Variants in INPP4B observed in about 807,000 individuals in gnomAD.
INPP4B encodes the protein inositol polyphosphate 4-phosphatase type II.
A neutral mutation model predicts 122.5 loss-of-function variants in INPP4B; 55 were observed. The observed-to-expected ratio is 0.45, with a 90% CI of 0.36 to 0.56. The LOEUF is 0.56. Among genes scored for constraint, INPP4B ranks in the 20% least tolerant of loss-of-function variants. The pLI is 0.00. For missense variants in INPP4B, 1,000 were observed against 1,097.7 expected, an observed-to-expected ratio of 0.91 and a Z score of 1.26; for synonymous variants, 403 against 388.7, an observed-to-expected ratio of 1.04 and a Z score of -0.43.
chr4:142,733,030 A>T (rs758276613), intron 1 of INPP4B, among the ~76,000 whole-genome samples: 5 of 152,166 alleles, frequency 3.3e-5, no homozygotes, highest in Non-Finnish European at 7.4e-5. Flanking sequence ...AACAAATTAC[A>T]CAAGTAAATT....
intron 2 of INPP4B, among the ~76,000 whole-genome samples, chr4:142,464,945 T>A (rs930393238): frequency 6.6e-6 from 1 of 152,232 alleles, no homozygotes; most frequent in African/African-American, 2.4e-5. Context: ...CAGAACAGAC[T>A]GCACATCTCT....
intron 7 of INPP4B, among the ~76,000 whole-genome samples, chr4:142,357,028 G>C (rs1017976976): frequency 6.6e-6 from 1 of 152,016 alleles, no homozygotes; most frequent in East Asian, 1.9e-4. Flanking sequence ...ACATACAAAA[G>C]CTCTTGCACA....
At chr4:142,636,014 C>T (rs1749076609) in intron 2 of INPP4B, among the ~76,000 whole-genome samples, 1 of 152,116 alleles carries the variant, frequency 6.6e-6, no homozygotes, top group South Asian at 2.1e-4. Flanking sequence ...ATGTCAAGGG[C>T]AGGATCCTGT....
chr4:142,514,145 A>C (rs1825111223), intron 2 of INPP4B: 1 of 152,210 alleles, frequency 6.6e-6, no homozygotes, highest in South Asian at 2.1e-4. Context: ...GGAAAAGTGG[A>C]ATAATGCTAC....
chr4:142,839,155 G>C (rs78954149), intron 1 of INPP4B, among the ~76,000 whole-genome samples: 1 of 152,096 alleles, frequency 6.6e-6, no homozygotes, highest in Non-Finnish European at 1.5e-5. Flanking sequence ...AATGTCTGCC[G>C]CTTATAAAAG....
In INPP4B at chr4:142,402,925, T is replaced by C; in HGVS notation, c.372+13A>G. 6.5e-6 allele frequency: 8 copies of C among 1,231,786 alleles called. No individual in the cohort carries two copies. Among genetic ancestry groups the C allele is most frequent in the Non-Finnish European group, 9.6e-6 (8 of 830,640 alleles). 76.3% of individuals were successfully genotyped at this position (1,231,786 alleles called of 1,614,324 possible). A position where few individuals can be genotyped will look rare whatever the true frequency, so the allele number is the denominator to read the frequency against. ...ACTTTTTCCCAAAGAAAGAAAGAAG[T>C]ACCAGTACTTACGGTGTCATGAGAC... On this transcript the variant is annotated intron_variant, in intron 7 of 25. Coordinates refer to ENST00000262992, the MANE Select transcript of INPP4B (RefSeq NM_001101669.3).
chr4:142,273,838 A>G (rs1482273520), intron 9 of INPP4B, among the ~76,000 whole-genome samples: 2 of 151,854 alleles, frequency 1.3e-5, no homozygotes, highest in Admixed American at 6.6e-5. Context: ...AAAAAACAGA[A>G]TGGTAAATCC....
intron 14 of INPP4B, among the ~76,000 whole-genome samples, chr4:142,201,640 T>G (rs760986430): frequency 1.4e-4 from 21 of 151,982 alleles, no homozygotes; most frequent in Admixed American, 4.6e-4. Flanking sequence ...GGCAGTTGTA[T>G]TCCTTTAAAT....
chr4:142,390,283 T>C (rs886888169), intron 7 of INPP4B, among the ~76,000 whole-genome samples: 1 of 152,198 alleles, frequency 6.6e-6, no homozygotes, highest in Non-Finnish European at 1.5e-5. Flanking sequence ...AAAAATGTTT[T>C]TGTTTCCCTT....
chr4:142,679,504 A>G lies in INPP4B; in HGVS notation c.-191+46335T>C, dbSNP rs184077839. On this transcript the variant is annotated intron_variant, in intron 2 of 25. Transcript: ENST00000262992. ...TTAAAATTATGTATAGGTAGATTGT[A>G]TTACTCCTGAATTTTATTTTACATT... is the stretch of plus-strand genomic sequence containing the variant. 2.4e-3 allele frequency among the ~76,000 whole-genome samples: 369 copies of G among 151,948 alleles called. No individual in the cohort carries two copies. In the Middle Eastern group the frequency reaches 0.034, roughly 14 times the overall value.
intron 2 of INPP4B, among the ~76,000 whole-genome samples, chr4:142,631,670 A>G (rs1462655648): frequency 6.6e-6 from 1 of 152,164 alleles, no homozygotes; most frequent in Non-Finnish European, 1.5e-5. Flanking sequence ...TTAAAGATGA[A>G]GAAAATATCT....
intron 11 of INPP4B, among the ~76,000 whole-genome samples, chr4:142,247,459 C>T (rs530032108): frequency 6.6e-6 from 1 of 152,224 alleles, no homozygotes; most frequent in South Asian, 2.1e-4. Context: ...TAATTACTGC[C>T]TCAATTTCAA....
chr4:142,451,767 A>G (rs1008703562), intron 3 of INPP4B, among the ~76,000 whole-genome samples: 23 of 152,296 alleles, frequency 1.5e-4, no homozygotes, highest in African/African-American at 5.5e-4. Context: ...ACAGCACACA[A>G]AGCAGCAAGG....
chr4:142,665,350 C>T (rs1038361338), intron 2 of INPP4B, among the ~76,000 whole-genome samples: 18 of 151,944 alleles, frequency 1.2e-4, no homozygotes, highest in East Asian at 1.2e-3. Flanking sequence ...CAAAATTAAC[C>T]GGGCGTGGTG....
intron 2 of INPP4B, among the ~76,000 whole-genome samples, chr4:142,514,792 C>CTATTTT (rs1825196805): frequency 8.2e-6 from 1 of 121,780 alleles, no homozygotes; most frequent in African/African-American, 3.1e-5. Context: ...ACCATGATTT[C>CTATTTT]TTTTTTTTTT....
rs560951057 is a variant in INPP4B, at chr4:142,447,822, T to C, written c.-127+14841A>G. ...GAAAATGGTAACCCTGCCTCTGGGCTCTCTGATGTGTGGCCTGCCTACATG... is the reference window on the plus strand; with the variant it reads ...GAAAATGGTAACCCTGCCTCTGGGCCCTCTGATGTGTGGCCTGCCTACATG... On this transcript the variant is annotated intron_variant, in intron 3 of 25. Coordinates refer to ENST00000262992, the MANE Select transcript of INPP4B (RefSeq NM_001101669.3). 5.3e-5 allele frequency among the ~76,000 whole-genome samples: 8 copies of C among 152,246 alleles called. No homozygotes were observed. The East Asian group carries it at 5.8e-4, about 11-fold the overall frequency.
intron 7 of INPP4B, among the ~76,000 whole-genome samples, chr4:142,355,976 AC>A (rs1322430697): frequency 6.6e-6 from 1 of 151,706 alleles, no homozygotes; most frequent in Non-Finnish European, 1.5e-5. Flanking sequence ...TTAAAATGCC[AC>A]ATACTCCAAT....
chr4:142,046,135 C>A (rs1393072308), intron 25 of INPP4B, among the ~76,000 whole-genome samples: 1 of 151,952 alleles, frequency 6.6e-6, no homozygotes, highest in Admixed American at 6.6e-5. Context: ...ACTCTGCTCC[C>A]CTACCTTTCC....
intron 2 of INPP4B, among the ~76,000 whole-genome samples, chr4:142,490,300 G>T (rs769847862): frequency 5.3e-5 from 8 of 151,992 alleles, no homozygotes; most frequent in African/African-American, 1.2e-4. Context: ...TGTTGCTGGG[G>T]CTGGTCTCAA....
Sources: gnomAD v4.1 joint callset for allele counts (sites outside exome capture counted in the v4.1 genomes callset) on GRCh38, gnomAD v4.1.1 for gene constraint, MANE v1.5 for transcripts, NCBI Gene and HGNC (gene_info 2026-07-23, HGNC 2026-07-21) for gene names.